Variants in WNT10A observed in about 807,000 individuals in gnomAD.
WNT10A encodes the protein protein Wnt-10a.
A neutral mutation model predicts 36.1 loss-of-function variants in WNT10A; 37 were observed. The observed-to-expected ratio is 1.02, with a 90% CI of 0.79 to 1.35. The LOEUF (loss-of-function observed/expected upper bound fraction) is 1.35, where lower values mean the gene tolerates loss of function less well. Ranked by LOEUF, WNT10A falls within the 40% of genes most tolerant of loss-of-function variation. WNT10A has a pLI of 0.00. For synonymous variants in WNT10A, 255 were observed against 254.1 expected (o/e 1.00, Z -0.03); for missense variants, 613 against 601.4 (o/e 1.02, Z -0.20).
chr2:218,888,230 C>T (rs529515257), intron 2 of WNT10A, among the ~76,000 whole-genome samples: 74 of 152,314 alleles, frequency 4.9e-4, no homozygotes, highest in African/African-American at 1.6e-3. Context: ...AGACTTGTAC[C>T]AGAACTTGTT....
At chr2:218,888,653 G>A (rs1944610515) in intron 2 of WNT10A, among the ~76,000 whole-genome samples, 1 of 152,192 alleles carries the variant, frequency 6.6e-6, no homozygotes, top group Non-Finnish European at 1.5e-5. Context: ...TGGCTTTCAG[G>A]GATGTCCTGT....
In WNT10A at chr2:218,881,125, T is replaced by C. The variant is rs1264449117; in HGVS notation, c.113+17T>C. The C allele has an allele frequency of 4.4e-6, 7 of 1,578,034 alleles. No homozygotes were observed. Among genetic ancestry groups the C allele is most frequent in the Non-Finnish European group, 5.2e-6 (6 of 1,161,170 alleles). ...CATGCCCAGGTGAGCCCTCACCTCA[T>C]GCTCCGCCCTCCTAGAGAGTTGGGA... On this transcript the variant is annotated intron_variant, in intron 1 of 3. Transcript: ENST00000258411.
Position 218,890,020 on chromosome 2 carries a change from C to G in WNT10A, c.413C>G (p.Ala138Gly), listed in dbSNP as rs745674978. 6.2e-7 allele frequency: 1 copy of G among 1,613,722 alleles called. No individual in the cohort carries two copies. Among genetic ancestry groups the G allele is most frequent in the South Asian group, 1.1e-5 (1 of 91,070 alleles). ...RESAFAYAIA[A>G]AGVVHAVSNA... ...AGCGCTTTTGCCTACGCCATCGCAG[C>G]AGCTGGCGTGGTGCACGCCGTGTCC... The change falls in exon 3 of 4, where the codon GCA becomes GGA. Residue 138 changes from alanine to glycine, a missense_variant. Physicochemically the swap from Ala to Gly is moderately conservative, Grantham distance 60. Coordinates refer to ENST00000258411, the MANE Select transcript of WNT10A (RefSeq NM_025216.3).
intron 1 of WNT10A, among the ~76,000 whole-genome samples, chr2:218,881,454 C>T (rs1359080583): frequency 2.0e-5 from 3 of 152,126 alleles, no homozygotes; most frequent in Non-Finnish European, 4.4e-5. Context: ...CTCCTTCCTG[C>T]AGCTCAGCCC....
At chr2:218,877,490 C>T (rs1036334059), upstream of WNT10A, among the ~76,000 whole-genome samples, 1 of 152,198 alleles carries the variant, frequency 6.6e-6, no homozygotes, top group African/African-American at 2.4e-5. This position sits in a 1 kb window ranked among gnomAD's most constrained non-coding sequence, Gnocchi z 4.1. Context: ...TTCCCACCAC[C>T]ACCCACCCCT....
At chr2:218,890,511 T>C (rs1466443204) in intron 3 of WNT10A, 148 bp downstream of exon 3, 2 of 1,199,406 alleles carry the variant, frequency 1.7e-6, no homozygotes, top group Non-Finnish European at 1.2e-6. Context: ...TCAACAAACA[T>C]GCACTGAGTA....
In WNT10A at chr2:218,891,858, C is replaced by T. The variant is rs184345523; in HGVS notation, c.757-916C>T. Among the ~76,000 whole-genome samples, 21 of 152,212 alleles carry T rather than the reference C, an allele frequency of 1.4e-4. 1 individual carries two copies. Among genetic ancestry groups the T allele is most frequent in the Admixed American group, 3.9e-4 (6 of 15,288 alleles). On this transcript the variant is annotated intron_variant, in intron 3 of 3. Coordinates refer to ENST00000258411, the MANE Select transcript of WNT10A (RefSeq NM_025216.3). ...CCGTCCCTGTCTCAGGGTGTGTTTTCGGAGTGGACTGAGGGAAAGGAGGGG... is the reference window on the plus strand; with the variant it reads ...CCGTCCCTGTCTCAGGGTGTGTTTTTGGAGTGGACTGAGGGAAAGGAGGGG...
Position 218,893,070 on chromosome 2 carries a change from C to T in WNT10A, c.1053C>T (p.Arg351=). 1 of 1,596,830 alleles carries T rather than the reference C, an allele frequency of 6.3e-7. No homozygotes were observed. The highest frequency in any genetic ancestry group is 8.5e-7 in the Non-Finnish European group (1 of 1,179,248). ...CCGACTTCTGCGAGCGCGAGCCGCG[C>T]CTGGACTCGGCGGGCACCGTGGGCC... ...KSPDFCEREP[R]LDSAGTVGRL... The change falls in exon 4 of 4, where the codon CGC becomes CGT. Residue 351 remains arginine, a synonymous_variant. Transcript: ENST00000258411. The surrounding 1 kb of genome is among the most constrained non-coding windows in gnomAD (Gnocchi z 6.3).
intron 1 of WNT10A, 37 bp downstream of exon 1, chr2:218,881,145 T>C (rs1442278552): frequency 1.3e-6 from 2 of 1,562,108 alleles, no homozygotes; most frequent in African/African-American, 1.4e-5. Flanking sequence ...TCCTAGAGAG[T>C]TGGGACCCCG....
At chr2:218,884,210 C>G (rs997632741) in intron 2 of WNT10A, 1 of 152,634 alleles carries the variant, frequency 6.6e-6, no homozygotes, top group Non-Finnish European at 1.5e-5. Context: ...GCGCGGCCTG[C>G]TGGAGGACCT....
In WNT10A at chr2:218,893,274, G is replaced by T. The variant is rs758910410; in HGVS notation, c.*3G>T. 3 of 1,545,916 alleles carry T rather than the reference G, an allele frequency of 1.9e-6. No homozygotes were observed. The South Asian group carries it at 3.5e-5, about 18-fold the overall frequency. On this transcript the variant is annotated 3_prime_UTR_variant, in exon 4 of 4. Transcript: ENST00000258411. The surrounding 1 kb of genome is among the most constrained non-coding windows in gnomAD (Gnocchi z 6.3). ...AGTGGGTCAGCGTCTGCAAGTGAGC[G>T]GCCCGGGGTCCCCTGGGCCCTGATC...
chr2:218,881,859 T>C (rs1440656026), intron 1 of WNT10A, among the ~76,000 whole-genome samples: 1 of 152,282 alleles, frequency 6.6e-6, no homozygotes, highest in East Asian at 1.9e-4. Context: ...CCTGTGTGTA[T>C]GGGCATCTAT....
chr2:218,875,445 C>T, the WNT10A span, among the ~76,000 whole-genome samples: 1 of 151,982 alleles, frequency 6.6e-6, no homozygotes, highest in South Asian at 2.1e-4. Flanking sequence ...CTGCCTTGGC[C>T]TCCCAAAGTG....
rs553337539 is a variant in WNT10A, at chr2:218,893,582, A to G, written c.*311A>G. The G allele has an allele frequency of 3.0e-6, 1 of 338,030 alleles. No homozygotes were observed. The highest frequency in any genetic ancestry group is 2.1e-5 in the African/African-American group (1 of 47,428). The allele number at this position is 338,030 out of a possible 1,614,324, so 20.9% of individuals were successfully genotyped here. On this transcript the variant is annotated 3_prime_UTR_variant, in exon 4 of 4. Transcript: ENST00000258411. The surrounding 1 kb of genome is among the most constrained non-coding windows in gnomAD (Gnocchi z 6.3). ...ACAAGCCTCAGCCAGGCAACCCGTCAGTCTGTCTCCATCCTTTCACCCCTT... is the reference window on the plus strand; with the variant it reads ...ACAAGCCTCAGCCAGGCAACCCGTCGGTCTGTCTCCATCCTTTCACCCCTT...
rs1944528313 is a variant in WNT10A at position 218,882,340 on chromosome 2, A to C, written c.293A>C (p.His98Pro). 6.2e-7 allele frequency: 1 copy of C among 1,614,070 alleles called. No homozygotes were observed. The highest frequency in any genetic ancestry group is 2.2e-5 in the East Asian group (1 of 44,878). ...CAGATCGCCATCCACGAATGCCAAC[A>C]CCAATTCAGGGACCAGCGCTGGAAC... ...GIQIAIHECQ[H>P]QFRDQRWNCS... Residue 98 changes from histidine to proline, a missense_variant, in exon 2 of 4, where the codon CAC becomes CCC. Coordinates refer to ENST00000258411, the MANE Select transcript of WNT10A (RefSeq NM_025216.3).
Position 218,893,210 on chromosome 2 carries a change from G to A in WNT10A, c.1193G>A (p.Trp398Ter). 2 of 1,574,968 alleles carry A rather than the reference G, an allele frequency of 1.3e-6. No individual in the cohort carries two copies. Among genetic ancestry groups the A allele is most frequent in the East Asian group, 2.3e-5 (1 of 43,880 alleles). Residue 398 changes from tryptophan (W) to a stop codon, truncating the protein, a stop_gained, in exon 4 of 4, where the codon TGG (tryptophan) becomes TAG (stop). Transcript: ENST00000258411. LOFTEE classifies it high-confidence loss of function. This position sits in a 1 kb window ranked among gnomAD's most constrained non-coding sequence, Gnocchi z 6.3. ...GAGCGCTGCCACTGCCGCTTCCACT[G>A]GTGCTGTTTCGTGGTCTGCGAAGAG... ...RSERCHCRFH[W>*]CCFVVCEECR...
intron 2 of WNT10A, among the ~76,000 whole-genome samples, chr2:218,883,564 C>T (rs1944542740): frequency 6.7e-6 from 1 of 150,240 alleles, no homozygotes; most frequent in Non-Finnish European, 1.5e-5. Context: ...CCGCGCGCTC[C>T]CTCCTCCCTC....
chr2:218,879,512 C>A (rs1461806201), upstream of WNT10A, among the ~76,000 whole-genome samples: 2 of 152,218 alleles, frequency 1.3e-5, no homozygotes, highest in Admixed American at 6.5e-5. Flanking sequence ...CTTGCTTGGG[C>A]CCAGCACACT....
At chr2:218,892,634 C>A in intron 3 of WNT10A, 140 bp from the exon 4 acceptor site, 5 of 1,358,952 alleles carry the variant, frequency 3.7e-6, no homozygotes, top group Non-Finnish European at 5.0e-6. Context: ...TTCTGACTGC[C>A]TGGTTGTGGG....
Sources: allele counts gnomAD v4.1 joint callset (sites outside exome capture counted in the v4.1 genomes callset), GRCh38; gene constraint gnomAD v4.1.1; non-coding constraint Gnocchi (gnomAD v3.1); transcripts MANE v1.5; gene names NCBI Gene and HGNC (gene_info 2026-07-23, HGNC 2026-07-21).